Variants in C2CD3 observed in about 807,000 individuals in gnomAD.
The protein encoded by C2CD3 is C2 domain containing 3 centriole elongation regulator.
A neutral mutation model predicts 234.0 loss-of-function variants in C2CD3; 148 were observed. The ratio of observed to expected loss-of-function variants is 0.63; its 90% CI spans 0.55 to 0.72. The LOEUF is 0.72. Ranked by LOEUF, C2CD3 falls within the 30% of genes least tolerant of loss-of-function variation. The pLI, the probability that C2CD3 is intolerant of heterozygous loss-of-function variation, is 0.00. For missense variants in C2CD3, 2,577 were observed against 2,811.5 expected (o/e 0.92, Z 1.89); for synonymous variants, 1,000 against 1,035.4 (o/e 0.97, Z 0.66).
intron 22 of C2CD3, among the ~76,000 whole-genome samples, chr11:74,082,123 ATT>A (rs34965283): frequency 1.3e-4 from 18 of 136,784 alleles, no homozygotes; most frequent in Admixed American, 2.2e-4. Context: ...GGCTGTGGAT[ATT>A]TTTTTTTTTT....
intron 16 of C2CD3, among the ~76,000 whole-genome samples, chr11:74,097,149 GA>G (rs5792645): frequency 0.3 from 40,773 of 134,836 alleles, 6,420 homozygotes; most frequent in African/African-American, 0.47. Flanking sequence ...ACCTCACCTC[GA>G]AAAAAAAAAA....
Position 74,098,204 on chromosome 11 carries a change from A to G in C2CD3, c.2784T>C (p.Ala928=). The change falls in exon 16 of 33, where the codon GCT becomes GCC. Residue 928 remains alanine (A), a synonymous_variant. Transcript: ENST00000334126. ...LLLDAQYPVV[A]VDSYMPVIDV... Reference sequence around the variant, plus strand: ...CAATCACAGGCATGTAGCTGTCGACAGCAACAACTGGGTACTGGGCATCCA... The same window carrying G: ...CAATCACAGGCATGTAGCTGTCGACGGCAACAACTGGGTACTGGGCATCCA... 1 of 1,614,172 alleles carries G rather than the reference A, an allele frequency of 6.2e-7. No individual in the cohort carries two copies. The highest frequency in any genetic ancestry group is 8.5e-7 in the Non-Finnish European group (1 of 1,179,980).
intron 2 of C2CD3, among the ~76,000 whole-genome samples, chr11:74,165,556 CCA>C (rs2135575041): frequency 6.6e-6 from 1 of 152,250 alleles, no homozygotes; most frequent in South Asian, 2.1e-4. Context: ...CGAATACCTA[CCA>C]CACAGCTTAA....
intron 24 of C2CD3, among the ~76,000 whole-genome samples, chr11:74,066,509 T>C (rs1954549737): frequency 6.6e-6 from 1 of 152,050 alleles, no homozygotes; most frequent in African/African-American, 2.4e-5. Context: ...CCATCTACTC[T>C]GACAAGCCTC....
chr11:74,109,309 G>A, intron 11 of C2CD3, 157 bp from the exon 12 acceptor site: 1 of 550,354 alleles, frequency 1.8e-6, no homozygotes, highest in Non-Finnish European at 3.2e-6. Context: ...AGGGTTGTAG[G>A]ATTGAATGAG....
chr11:74,020,092 T>A (rs1952027088), intron 32 of C2CD3, among the ~76,000 whole-genome samples: 2 of 152,252 alleles, frequency 1.3e-5, no homozygotes, highest in South Asian at 4.1e-4. Context: ...TCTGGCCCGA[T>A]GCCTGTGGTT....
In C2CD3 at chr11:74,169,994, T is replaced by C. The variant is rs533499972; in HGVS notation, c.55+744A>G. 4.6e-5 allele frequency among the ~76,000 whole-genome samples: 7 copies of C among 152,294 alleles called. 1 individual carries two copies. The South Asian group carries it at 1.5e-3, about 32-fold the overall frequency. ...CCTTTTTCCCTTCGAGGCAGTCTTG[T>C]AGAGATTCAATGTCAAGTTTCCTGA... On this transcript the variant is annotated intron_variant, in intron 1 of 32. Coordinates refer to ENST00000334126, the MANE Select transcript of C2CD3 (RefSeq NM_001286577.2).
chr11:74,116,779 TGTATATATATACACACACACAC>T (rs780631784), intron 9 of C2CD3, among the ~76,000 whole-genome samples: 42 of 147,804 alleles, frequency 2.8e-4, no homozygotes, highest in Non-Finnish European at 5.1e-4. Flanking sequence ...CATATATGTG[TGTATATATATACACACACACAC>T]GTATATATAT....
intron 3 of C2CD3, among the ~76,000 whole-genome samples, chr11:74,150,923 CTTTT>C (rs1323011166): frequency 6.8e-6 from 1 of 147,896 alleles, no homozygotes; most frequent in African/African-American, 2.5e-5. Flanking sequence ...TTCTTTCTTT[CTTTT>C]TTTTTTGTTT....
chr11:74,094,147 C>T (rs766606618), intron 17 of C2CD3, 148 bp from the exon 18 acceptor site: 1 of 526,880 alleles, frequency 1.9e-6, no homozygotes, highest in Non-Finnish European at 3.1e-6. Context: ...GAAAAAGATA[C>T]CTTGCTGGTG....
intron 23 of C2CD3, 109 bp from the exon 24 acceptor site, chr11:74,074,709 A>G: frequency 1.2e-6 from 1 of 832,014 alleles, no homozygotes; most frequent in Non-Finnish European, 1.9e-6. Context: ...AAAGGTCTAC[A>G]AACCCCAATA....
rs763066280 is a variant in C2CD3 at position 74,103,528 on chromosome 11, C to T, written c.2183G>A (p.Ser728Asn). Residue 728 changes from serine (S) to asparagine (N), a missense_variant, in exon 14 of 33, where the codon AGT becomes AAT. By Grantham distance (46) the Ser-to-Asn change is conservative. Transcript: ENST00000334126. ...AAGTTCTGGTAGTGCCTTATTTGGA[C>T]TTGTAGGAGCACAAAGTGGGGTATA... ...THYTPLCAPTSPNKALPELNQ... is the reference protein window; with the variant it reads ...THYTPLCAPTNPNKALPELNQ... The T allele has an allele frequency of 8.1e-6, 13 of 1,614,076 alleles. No homozygotes were observed. The South Asian group carries it at 1.2e-4, about 15-fold the overall frequency.
intron 26 of C2CD3, among the ~76,000 whole-genome samples, chr11:74,051,301 G>GA (rs796249357): frequency 0.064 from 8,148 of 127,832 alleles, 777 homozygotes; most frequent in African/African-American, 0.22. Flanking sequence ...TCTCAAAAAA[G>GA]AAAAAAAAAA....
At chr11:74,041,306 T>C (rs1369282224) in intron 29 of C2CD3, among the ~76,000 whole-genome samples, 1 of 152,204 alleles carries the variant, frequency 6.6e-6, no homozygotes, top group Non-Finnish European at 1.5e-5. Flanking sequence ...TTTTCCTACA[T>C]GCACTGCTGG....
chr11:74,046,933 C>T (rs964113590), intron 28 of C2CD3, among the ~76,000 whole-genome samples: 2 of 152,146 alleles, frequency 1.3e-5, no homozygotes, highest in African/African-American at 4.8e-5. Flanking sequence ...ACCCAGTGAG[C>T]TAATGTATAT....
chr11:74,054,800 T>C, intron 25 of C2CD3, 129 bp from the exon 26 acceptor site: 1 of 587,756 alleles, frequency 1.7e-6, no homozygotes, highest in Non-Finnish European at 3.0e-6. Context: ...TTAGCCATCT[T>C]CTGGCATATA....
At position 74,054,610 on chromosome 11, in the gene C2CD3, C is replaced by T; in HGVS notation, c.5152G>A (p.Gly1718Arg). 6.2e-7 allele frequency: 1 copy of T among 1,604,950 alleles called. No homozygotes were observed. Among genetic ancestry groups the T allele is most frequent in the Non-Finnish European group, 8.5e-7 (1 of 1,173,140 alleles). ...ATTCTTTTAACAGAGTTCATACCTC[C>T]TTTATGCCAAACTTTGAAGACCAGG... ...QTLVFKVWHK[G>R]DEERVIGFAS... Residue 1718 changes from glycine to arginine, a missense_variant, in exon 26 of 33, where the codon GGA (glycine) becomes AGA (arginine). Coordinates refer to ENST00000334126, the MANE Select transcript of C2CD3 (RefSeq NM_001286577.2).
At chr11:74,024,013 C>T (rs995784016) in intron 32 of C2CD3, among the ~76,000 whole-genome samples, 15 of 152,318 alleles carry the variant, frequency 9.8e-5, no homozygotes, top group African/African-American at 3.6e-4. Context: ...AGAATCGAAA[C>T]ATCTCTAATA....
At chr11:74,101,405 G>A (rs924363442) in intron 14 of C2CD3, among the ~76,000 whole-genome samples, 7 of 152,062 alleles carry the variant, frequency 4.6e-5, no homozygotes, top group African/African-American at 1.4e-4. Context: ...AACATGAGAG[G>A]CAAAAAGTGT....
Sources: gnomAD v4.1 joint callset for allele counts (sites outside exome capture counted in the v4.1 genomes callset) on GRCh38, gnomAD v4.1.1 for gene constraint, MANE v1.5 for transcripts, NCBI Gene and HGNC (gene_info 2026-07-23, HGNC 2026-07-21) for gene names.